RAB37: variants seen among roughly 807,000 people sequenced by gnomAD.
RAB37 encodes RAB37, member RAS oncogene family.
In RAB37, 29 loss-of-function variants were observed where a neutral mutation model predicts 33.1. That is an observed-to-expected ratio of 0.88 (90% CI 0.65 to 1.20). The LOEUF is 1.20. Ranked by LOEUF, RAB37 falls within the 50% of genes most tolerant of loss-of-function variation. RAB37 has a pLI of 0.00. For synonymous variants in RAB37, 128 were observed against 119.5 expected (o/e 1.07, Z -0.47); for missense variants, 299 against 301.1 (o/e 0.99, Z 0.05).
intron 1 of RAB37, among the ~76,000 whole-genome samples, chr17:74,702,428 A>G (rs1027854768): frequency 1.4e-4 from 22 of 152,318 alleles, no homozygotes; most frequent in Admixed American, 3.9e-4. Flanking sequence ...ATTCTTCCAC[A>G]TGGGGTGGTT....
chr17:74,704,331 C>A (rs537499773), intron 1 of RAB37: 2 of 640,306 alleles, frequency 3.1e-6, no homozygotes, highest in African/African-American at 3.7e-5. Flanking sequence ...CCTGCTCCCC[C>A]AGTCCCAGGT....
intron 1 of RAB37, among the ~76,000 whole-genome samples, chr17:74,682,602 G>T (rs2031976616): frequency 6.6e-6 from 1 of 152,228 alleles, no homozygotes; most frequent in Non-Finnish European, 1.5e-5. Context: ...AAGCCCTGTA[G>T]ATCAAGAGTG....
chr17:74,701,845 G>A lies in RAB37; in HGVS notation c.73-27411G>A, dbSNP rs541841619. ...AACCTGGGCAACAGAGTGAGAATCC[G>A]TCAAAAAAAAAAAAAAAAAAACAAT... On this transcript the variant is annotated intron_variant, in intron 1 of 7. Coordinates refer to the RAB37 transcript ENST00000340415. 1.3e-3 allele frequency among the ~76,000 whole-genome samples: 141 copies of A among 111,700 alleles called. 1 individual carries two copies. Among genetic ancestry groups the A allele is most frequent in the African/African-American group, 6.1e-3 (135 of 22,268 alleles). The allele number at this position is 111,700 out of a possible 152,430, so 73.3% of individuals were successfully genotyped here.
intron 1 of RAB37, chr17:74,704,270 A>G: frequency 1.7e-6 from 1 of 578,454 alleles, no homozygotes; most frequent in Non-Finnish European, 3.1e-6. Context: ...AGAAAGGCTT[A>G]ATCCCGTCGT....
chr17:74,671,430 G>GGCCGCT lies in RAB37; in HGVS notation c.-154_-149dup. 1.5e-6 allele frequency: 1 copy of GGCCGCT among 645,224 alleles called. No individual in the cohort carries two copies. The highest frequency in any genetic ancestry group is 2.7e-6 in the Non-Finnish European group (1 of 376,876). 40.0% of individuals were successfully genotyped at this position (645,224 alleles called of 1,614,324 possible). ...GCCTGCCCGCCTGGTACCGCGCCGC[G>GGCCGCT]GCCGCTGCGGGGAACTGTCCAGTGC... On this transcript the variant is annotated 5_prime_UTR_variant, in exon 1 of 8. Transcript: ENST00000340415. This position sits in a 1 kb window ranked among gnomAD's most constrained non-coding sequence, Gnocchi z 5.0.
At position 74,726,475 on chromosome 17, in the gene RAB37, C is replaced by T. The variant is rs577056414; in HGVS notation, c.73-2781C>T. ...AGAATCTGTCACATTCTTTAAGACA[C>T]GAATGAGGGGAACGTGGATGGACTA... On this transcript the variant is annotated intron_variant, in intron 1 of 7. Coordinates refer to the RAB37 transcript ENST00000340415. 3.8e-4 allele frequency among the ~76,000 whole-genome samples: 58 copies of T among 152,142 alleles called. 1 individual carries two copies. The highest frequency in any genetic ancestry group is 8.1e-4 in the Non-Finnish European group (55 of 68,032).
chr17:74,708,610 T>A (rs542141665), intron 1 of RAB37, among the ~76,000 whole-genome samples: 61 of 152,250 alleles, frequency 4.0e-4, no homozygotes, highest in Non-Finnish European at 7.6e-4. Flanking sequence ...CAAAATGGTT[T>A]TTAACATTAA....
upstream of RAB37, among the ~76,000 whole-genome samples, chr17:74,733,486 G>GTA (rs2034420976): frequency 3.7e-3 from 6 of 1,626 alleles, no homozygotes; most frequent in Non-Finnish European, 7.5e-3. Context: ...GGTGTGAGGT[G>GTA]TGTGGTGTGA....
At chr17:74,677,919 C>A (rs1360630627) in intron 1 of RAB37, among the ~76,000 whole-genome samples, 2 of 152,118 alleles carry the variant, frequency 1.3e-5, no homozygotes, top group Non-Finnish European at 2.9e-5. Flanking sequence ...GAGAAAATGT[C>A]TGAGACTCAC....
intron 5 of RAB37, among the ~76,000 whole-genome samples, chr17:74,743,624 C>T (rs2034676889): frequency 6.6e-6 from 1 of 152,194 alleles, no homozygotes; most frequent in African/African-American, 2.4e-5. Flanking sequence ...GCCCCCACTC[C>T]ACCCTGGATA....
At chr17:74,713,315 CAAAAAAA>C (rs1163915122) in intron 1 of RAB37, among the ~76,000 whole-genome samples, 4 of 61,088 alleles carry the variant, frequency 6.5e-5, no homozygotes, top group African/African-American at 1.7e-4. Context: ...CAAACAAAAA[CAAAAAAA>C]AAAAAAAAAA....
intron 1 of RAB37, among the ~76,000 whole-genome samples, chr17:74,713,375 A>G (rs546937391): frequency 2.0e-5 from 3 of 152,100 alleles, no homozygotes; most frequent in African/African-American, 7.2e-5. Flanking sequence ...GCAGTTGACA[A>G]TGCAAGGGGT....
At position 74,674,333 on chromosome 17, in the gene RAB37, G is replaced by A. The variant is rs146096388; in HGVS notation, c.72+2675G>A. Among the ~76,000 whole-genome samples, 150 of 149,958 alleles carry A rather than the reference G, an allele frequency of 1.0e-3. No homozygotes were observed. The East Asian group carries it at 0.025, about 25-fold the overall frequency. ...CTGGCCTCAAGAGATCCACCCGCTC[G>A]GCCTCCCAAAGTGCTGGCATTATAT... is the stretch of plus-strand genomic sequence containing the variant. On this transcript the variant is annotated intron_variant, in intron 1 of 7. Transcript: ENST00000340415.
At chr17:74,723,642 G>C (rs1162704886) in intron 1 of RAB37, among the ~76,000 whole-genome samples, 1 of 149,418 alleles carries the variant, frequency 6.7e-6, no homozygotes, top group Non-Finnish European at 1.5e-5. Flanking sequence ...GCAGTGGCGT[G>C]GTCTCGGCTC....
Position 74,745,537 on chromosome 17 carries a change from T to C in RAB37, c.*126T>C, listed in dbSNP as rs1224497539. 5 of 724,518 alleles carry C rather than the reference T, an allele frequency of 6.9e-6. No individual in the cohort carries two copies. The Admixed American group carries it at 7.2e-5, about 10-fold the overall frequency. The allele number at this position is 724,518 out of a possible 1,614,324, so 44.9% of individuals were successfully genotyped here. Reference sequence around the variant, plus strand: ...ATGGAGGACTCACTGCACAGCCGCTTCCTAGCAGGGAGCTATACTCCAACT... The same window carrying C: ...ATGGAGGACTCACTGCACAGCCGCTCCCTAGCAGGGAGCTATACTCCAACT... On this transcript the variant is annotated 3_prime_UTR_variant, in exon 9 of 9. Transcript: ENST00000392613. This position sits in a 1 kb window ranked among gnomAD's most constrained non-coding sequence, Gnocchi z 4.5.
At chr17:74,680,008 A>G (rs1311484248) in intron 1 of RAB37, among the ~76,000 whole-genome samples, 15 of 151,784 alleles carry the variant, frequency 9.9e-5, no homozygotes, top group Non-Finnish European at 2.9e-5. Flanking sequence ...AGAAAGAAAG[A>G]AAAAACTGAC....
At chr17:74,715,212 C>A (rs964530855) in intron 1 of RAB37, among the ~76,000 whole-genome samples, 2 of 152,176 alleles carry the variant, frequency 1.3e-5, no homozygotes, top group African/African-American at 2.4e-5. Context: ...GTCACATACA[C>A]CCTGTGACAT....
intron 1 of RAB37, among the ~76,000 whole-genome samples, chr17:74,726,741 A>G (rs942975862): frequency 3.9e-5 from 6 of 152,198 alleles, no homozygotes; most frequent in African/African-American, 1.4e-4. Flanking sequence ...CTTCCATGTC[A>G]CTGCCAGAGT....
chr17:74,695,141 C>G (rs779932685), intron 1 of RAB37: 2 of 1,614,158 alleles, frequency 1.2e-6, no homozygotes, highest in Admixed American at 1.7e-5. Flanking sequence ...CCTCAGGGCC[C>G]CTGCCGGGGA....
Sources: gnomAD v4.1 joint callset for allele counts (sites outside exome capture counted in the v4.1 genomes callset) on GRCh38, gnomAD v4.1.1 for gene constraint, Gnocchi (gnomAD v3.1) non-coding constraint, MANE v1.5 for transcripts, NCBI Gene and HGNC (gene_info 2026-07-23, HGNC 2026-07-21) for gene names.